The following KIAA0232 variants were observed in gnomAD, a reference collection of about 807,000 sequenced individuals.
KIAA0232 encodes the protein KIAA0232, also known as uncharacterized protein KIAA0232.
A neutral mutation model predicts 122.0 loss-of-function variants in KIAA0232; 27 were observed. The ratio of observed to expected loss-of-function variants is 0.22; its 90% CI spans 0.16 to 0.31. The LOEUF is 0.31. Among genes scored for constraint, KIAA0232 ranks in the 10% least tolerant of loss-of-function variants. The pLI is 1.00. For missense variants in KIAA0232, 1,551 were observed against 1,634.2 expected, an observed-to-expected ratio of 0.95 and a Z score of 0.88; for synonymous variants, 613 against 587.6, an observed-to-expected ratio of 1.04 and a Z score of -0.63.
chr4:6,785,573 A>G (rs1412654056), intron 1 of KIAA0232, among the ~76,000 whole-genome samples: 1 of 152,204 alleles, frequency 6.6e-6, no homozygotes, highest in Admixed American at 6.5e-5. Flanking sequence ...TAAGTGTTAA[A>G]ACCTCAGATT....
chr4:6,862,571 A>G lies in KIAA0232; in HGVS notation c.2189A>G (p.Gln730Arg). The G allele has an allele frequency of 6.2e-7, 1 of 1,613,720 alleles. No homozygotes were observed. Among genetic ancestry groups the G allele is most frequent in the Non-Finnish European group, 8.5e-7 (1 of 1,179,846 alleles). Residue 730 changes from glutamine to arginine, a missense_variant, in exon 7 of 10, where the codon CAG (glutamine) becomes CGG (arginine). Gln to Arg is a conservative substitution (Grantham distance 43). Around this residue, in one of 5 missense-constraint regions of KIAA0232, gnomAD observed 1,108 missense variants for 1,154.8 expected, o/e 0.96. Coordinates refer to ENST00000307659, the MANE Select transcript of KIAA0232 (RefSeq NM_014743.3). The stretch of plus-strand genomic sequence containing the variant: ...TCAGACAATGAAACATTAAATATTC[A>G]GTTTGAAGAATCCACACAGTTTAAT... ...TRSDNETLNI[Q>R]FEESTQFNAE...
At chr4:6,817,425 C>T (rs969191840) in intron 2 of KIAA0232, among the ~76,000 whole-genome samples, 1 of 152,140 alleles carries the variant, frequency 6.6e-6, no homozygotes, top group Non-Finnish European at 1.5e-5. Context: ...CCGTGTTAGC[C>T]AGGATGGTCT....
At chr4:6,880,384 A>C (rs182844390) in intron 9 of KIAA0232, among the ~76,000 whole-genome samples, 16 of 151,652 alleles carry the variant, frequency 1.1e-4, no homozygotes, top group Non-Finnish European at 1.3e-4. Context: ...TGCCCCCCTC[A>C]CCATCGGTAC....
Position 6,857,958 on chromosome 4 carries a change from T to G in KIAA0232, c.437-467T>G, listed in dbSNP as rs1233426926. 2.6e-5 allele frequency among the ~76,000 whole-genome samples: 4 copies of G among 152,214 alleles called. No homozygotes were observed. The East Asian group carries it at 5.8e-4, about 22-fold the overall frequency. Reference sequence around the variant, plus strand: ...CTAAGGGATAGCCCTTTTTCCTGTTTCAGTTGAAATAGCCCTTGCTCACCT... The same window carrying G: ...CTAAGGGATAGCCCTTTTTCCTGTTGCAGTTGAAATAGCCCTTGCTCACCT... On this transcript the variant is annotated intron_variant, in intron 5 of 9. Coordinates refer to ENST00000307659, the MANE Select transcript of KIAA0232 (RefSeq NM_014743.3).
intron 1 of KIAA0232, among the ~76,000 whole-genome samples, chr4:6,789,430 T>C (rs1716786291): frequency 6.6e-6 from 1 of 151,938 alleles, no homozygotes; most frequent in African/African-American, 2.4e-5. Flanking sequence ...CGTGCCACCA[T>C]GCCCGGCTAA....
At chr4:6,865,331 G>A (rs530666800) in intron 7 of KIAA0232, among the ~76,000 whole-genome samples, 6 of 152,064 alleles carry the variant, frequency 3.9e-5, no homozygotes, top group Non-Finnish European at 8.8e-5. Context: ...ACAGAGTCTC[G>A]CTCTGTCGCC....
At chr4:6,789,097 A>C (rs1283287366) in intron 1 of KIAA0232, among the ~76,000 whole-genome samples, 1 of 151,870 alleles carries the variant, frequency 6.6e-6, no homozygotes, top group East Asian at 1.9e-4. Flanking sequence ...CAGCTTCCCG[A>C]GTAGCTGGGA....
At chr4:6,809,830 C>T (rs1717796796) in intron 2 of KIAA0232, among the ~76,000 whole-genome samples, 1 of 151,956 alleles carries the variant, frequency 6.6e-6, no homozygotes, top group Admixed American at 6.6e-5. Flanking sequence ...GTACCATTTA[C>T]AATAGCTATA....
chr4:6,807,028 G>A (rs1307809421), intron 2 of KIAA0232, among the ~76,000 whole-genome samples: 2 of 113,262 alleles, frequency 1.8e-5, no homozygotes, highest in African/African-American at 6.1e-5. Flanking sequence ...TTGTCTGTCT[G>A]TCTGTCTATC....
chr4:6,782,732 A>C lies in KIAA0232; in HGVS notation c.-463A>C, dbSNP rs1033748870. 6.7e-6 allele frequency: 1 copy of C among 149,398 alleles called. No homozygotes were observed. Among genetic ancestry groups the C allele is most frequent in the East Asian group, 2.0e-4 (1 of 5,060 alleles). 9.3% of individuals were successfully genotyped at this position (149,398 alleles called of 1,614,324 possible). On this transcript the variant is annotated 5_prime_UTR_variant, in exon 1 of 10. Coordinates refer to ENST00000307659, the MANE Select transcript of KIAA0232 (RefSeq NM_014743.3). ...GCGCTGGGGCCGCCGCCGCCGCTTT[A>C]CGTAAGGCGCAGGCCAGGGCCGCCC...
chr4:6,819,901 G>A (rs1056328636), intron 2 of KIAA0232, among the ~76,000 whole-genome samples: 3 of 152,106 alleles, frequency 2.0e-5, no homozygotes, highest in African/African-American at 7.2e-5. Flanking sequence ...ATATACCATG[G>A]AATACTATGC....
chr4:6,873,071 G>T (rs538647987), intron 8 of KIAA0232, among the ~76,000 whole-genome samples: 1 of 152,170 alleles, frequency 6.6e-6, no homozygotes, highest in Non-Finnish European at 1.5e-5. Context: ...TGCTGCTGCC[G>T]CCCTACCATT....
intron 1 of KIAA0232, among the ~76,000 whole-genome samples, chr4:6,803,389 G>A (rs1355999049): frequency 6.6e-6 from 1 of 152,042 alleles, no homozygotes; most frequent in African/African-American, 2.4e-5. Flanking sequence ...AAACATGAAT[G>A]CCAAACATTG....
chr4:6,864,957 T>G (rs566306752), intron 7 of KIAA0232, among the ~76,000 whole-genome samples: 1 of 152,306 alleles, frequency 6.6e-6, no homozygotes, highest in East Asian at 1.9e-4. Flanking sequence ...TACATTGTGG[T>G]ACATGTAGAA....
At chr4:6,834,858 G>A (rs1719178821) in intron 3 of KIAA0232, among the ~76,000 whole-genome samples, 1 of 152,192 alleles carries the variant, frequency 6.6e-6, no homozygotes, top group Non-Finnish European at 1.5e-5. Context: ...GTTCTCTTGA[G>A]TTTAAAAGAG....
intron 9 of KIAA0232, among the ~76,000 whole-genome samples, chr4:6,878,840 A>G (rs1721900737): frequency 6.6e-6 from 1 of 152,194 alleles, no homozygotes; most frequent in Admixed American, 6.5e-5. Flanking sequence ...TGTCTGCCCA[A>G]GCACCTGTAG....
intron 8 of KIAA0232, among the ~76,000 whole-genome samples, chr4:6,874,405 G>A (rs1408456964): frequency 6.6e-6 from 1 of 152,188 alleles, no homozygotes; most frequent in Non-Finnish European, 1.5e-5. Flanking sequence ...GCAAAGAAGG[G>A]ATGGCATGGG....
At chr4:6,788,371 T>C (rs1260318367) in intron 1 of KIAA0232, among the ~76,000 whole-genome samples, 1 of 152,202 alleles carries the variant, frequency 6.6e-6, no homozygotes, top group East Asian at 1.9e-4. Context: ...GCCACTTCCG[T>C]TATTGGCAGA....
At chr4:6,860,857 AAAT>A (rs1720812939) in intron 6 of KIAA0232, 41 bp from the exon 7 acceptor site, 1 of 1,542,046 alleles carries the variant, frequency 6.5e-7, no homozygotes, top group Non-Finnish European at 8.8e-7. Context: ...TGTATCTAAA[AAAT>A]CTGCATACTC....
Sources: gnomAD v4.1 joint callset for allele counts (sites outside exome capture counted in the v4.1 genomes callset) on GRCh38, gnomAD v4.1.1 for gene constraint, gnomAD v4.1.1 regional missense constraint, MANE v1.5 for transcripts, NCBI Gene and HGNC (gene_info 2026-07-23, HGNC 2026-07-21) for gene names.